The following SPOCK3 variants were observed in gnomAD, a reference collection of about 807,000 sequenced individuals.
The protein encoded by SPOCK3 is testican-3.
In SPOCK3, 30 loss-of-function variants were observed where a neutral mutation model predicts 56.6. That is an observed-to-expected ratio of 0.53 (90% CI 0.40 to 0.72). The LOEUF (loss-of-function observed/expected upper bound fraction) is 0.72. Among genes scored for constraint, SPOCK3 ranks in the 30% least tolerant of loss-of-function variants. The pLI, the probability that SPOCK3 is intolerant of heterozygous loss-of-function variation, is 0.00. For synonymous variants in SPOCK3, 196 were observed against 183.3 expected (o/e 1.07, Z -0.56); for missense variants, 527 against 530.0 (o/e 0.99, Z 0.06).
At chr4:166,950,202 A>T (rs2150033959) in intron 4 of SPOCK3, among the ~76,000 whole-genome samples, 1 of 152,006 alleles carries the variant, frequency 6.6e-6, no homozygotes, top group East Asian at 1.9e-4. Flanking sequence ...TCTCATGTGC[A>T]GAGACACACA....
intron 2 of SPOCK3, among the ~76,000 whole-genome samples, chr4:167,202,316 A>G (rs1733595201): frequency 6.6e-6 from 1 of 152,008 alleles, no homozygotes; most frequent in South Asian, 2.1e-4. Flanking sequence ...AATTTTGATT[A>G]AAGTAGTATA....
intron 3 of SPOCK3, among the ~76,000 whole-genome samples, chr4:167,056,697 T>C (rs1428493281): frequency 1.3e-5 from 2 of 151,790 alleles, no homozygotes; most frequent in African/African-American, 4.8e-5. Flanking sequence ...TGATGGAAGA[T>C]GAAATGAATG....
intron 4 of SPOCK3, among the ~76,000 whole-genome samples, chr4:166,937,350 G>C (rs1368586282): frequency 6.6e-6 from 1 of 150,678 alleles, no homozygotes; most frequent in Non-Finnish European, 1.5e-5. Flanking sequence ...TGAATGATGT[G>C]TAAGGTGTAT....
At chr4:166,985,975 G>T (rs1747112352) in intron 4 of SPOCK3, among the ~76,000 whole-genome samples, 1 of 151,936 alleles carries the variant, frequency 6.6e-6, no homozygotes, top group Non-Finnish European at 1.5e-5. Flanking sequence ...CCTTTTTAGT[G>T]TGTCAAAATA....
intron 3 of SPOCK3, among the ~76,000 whole-genome samples, chr4:167,033,288 T>C (rs1752441711): frequency 6.6e-6 from 1 of 150,850 alleles, no homozygotes. Flanking sequence ...TATAAATATA[T>C]TTTAAATAAA....
At chr4:166,853,983 C>T (rs1579432569) in intron 6 of SPOCK3, among the ~76,000 whole-genome samples, 1 of 152,098 alleles carries the variant, frequency 6.6e-6, no homozygotes, top group Middle Eastern at 3.4e-3. Flanking sequence ...AAATGTAAAT[C>T]AGCCTTTTAA....
chr4:167,148,405 G>C (rs1764154385), intron 2 of SPOCK3, among the ~76,000 whole-genome samples: 1 of 152,082 alleles, frequency 6.6e-6, no homozygotes, highest in Non-Finnish European at 1.5e-5. Flanking sequence ...TAGACTCTGA[G>C]AAATAAAGAC....
chr4:166,869,446 G>C (rs888517203), intron 6 of SPOCK3, among the ~76,000 whole-genome samples: 37 of 152,014 alleles, frequency 2.4e-4, no homozygotes, highest in African/African-American at 6.5e-4. Flanking sequence ...ATCTGGGTGA[G>C]AAGATAACAA....
At chr4:167,092,738 G>A (rs1561207225) in intron 2 of SPOCK3, among the ~76,000 whole-genome samples, 2 of 152,084 alleles carry the variant, frequency 1.3e-5, no homozygotes. Context: ...GGAAAATGCT[G>A]AGAAGCTGTA....
chr4:166,797,634 T>A (rs1437348129), intron 6 of SPOCK3, among the ~76,000 whole-genome samples: 1 of 152,064 alleles, frequency 6.6e-6, no homozygotes, highest in Non-Finnish European at 1.5e-5. Context: ...CATTTTAACA[T>A]TTTTTATAAC....
At chr4:167,203,601 C>T (rs1283905585) in intron 2 of SPOCK3, among the ~76,000 whole-genome samples, 1 of 151,190 alleles carries the variant, frequency 6.6e-6, no homozygotes, top group African/African-American at 2.4e-5. Context: ...AATGAGGAAC[C>T]GTCCTCCCTG....
At chr4:167,205,399 T>A (rs1385395990) in intron 2 of SPOCK3, among the ~76,000 whole-genome samples, 1 of 44,632 alleles carries the variant, frequency 2.2e-5, no homozygotes, top group Non-Finnish European at 3.7e-5. Context: ...ATTTTATATA[T>A]AATATATTAT....
chr4:166,975,228 G>T (rs868271570), intron 4 of SPOCK3, among the ~76,000 whole-genome samples: 1 of 152,238 alleles, frequency 6.6e-6, no homozygotes, highest in African/African-American at 2.4e-5. Context: ...GTATCCAGAT[G>T]TATTCAGTTA....
At chr4:166,751,395 G>A (rs528486747) in intron 8 of SPOCK3, among the ~76,000 whole-genome samples, 9 of 152,112 alleles carry the variant, frequency 5.9e-5, no homozygotes, top group South Asian at 4.1e-4. Flanking sequence ...GATGTTATTC[G>A]TACTGAATAA....
In SPOCK3 at chr4:166,944,255, G is replaced by GAT. The variant is rs1488377524; in HGVS notation, c.351-31514_351-31513dup. Among the ~76,000 whole-genome samples the GAT allele has an allele frequency of 3.3e-5, 5 of 152,060 alleles. No individual in the cohort carries two copies. In the South Asian group the frequency reaches 1.0e-3, roughly 32 times the overall value. ...AACCTCAAAGGGAGGGGATTGTATA[G>GAT]ATATATGAGTATCCGTTGCTGACAT... On this transcript the variant is annotated intron_variant, in intron 4 of 10. Transcript: ENST00000357545.
At chr4:167,233,941 GCA>G (rs1737452240) in intron 2 of SPOCK3, 42 bp downstream of exon 2, 1 of 1,567,666 alleles carries the variant, frequency 6.4e-7, no homozygotes, top group Admixed American at 1.7e-5. Flanking sequence ...CCGCCTCGGA[GCA>G]GCGCGCGCGT....
At chr4:166,927,874 A>T (rs2149990345) in intron 4 of SPOCK3, among the ~76,000 whole-genome samples, 1 of 152,286 alleles carries the variant, frequency 6.6e-6, no homozygotes, top group African/African-American at 2.4e-5. Flanking sequence ...TAATATAAAA[A>T]ACTCAACAAT....
At chr4:167,053,424 C>A (rs1754423741) in intron 3 of SPOCK3, among the ~76,000 whole-genome samples, 1 of 152,106 alleles carries the variant, frequency 6.6e-6, no homozygotes, top group Admixed American at 6.6e-5. Context: ...CTGTGGCTCA[C>A]ACAAGTAATC....
intron 4 of SPOCK3, among the ~76,000 whole-genome samples, chr4:166,951,927 A>G (rs375034792): frequency 2.0e-5 from 3 of 152,136 alleles, no homozygotes; most frequent in Non-Finnish European, 4.4e-5. Context: ...TTGATGGGAC[A>G]TATCTCAAAA....
Sources: gnomAD v4.1 joint callset for allele counts (sites outside exome capture counted in the v4.1 genomes callset) on GRCh38, gnomAD v4.1.1 for gene constraint, MANE v1.5 for transcripts, NCBI Gene and HGNC (gene_info 2026-07-23, HGNC 2026-07-21) for gene names.